Variants in C10orf105 observed in about 807,000 individuals in gnomAD.
C10orf105 encodes the protein chromosome 10 open reading frame 105.
A neutral mutation model predicts 0.6 loss-of-function variants in C10orf105; 2 were observed. The ratio of observed to expected loss-of-function variants is 3.18; its 90% confidence interval spans 1.30 to 10.01. The LOEUF (loss-of-function observed/expected upper bound fraction) is 10.01. C10orf105 is among the 30% of genes most tolerant of loss of function. C10orf105 has a pLI of 0.04. For missense variants in C10orf105, 209 were observed against 191.4 expected, an observed-to-expected ratio of 1.09 and a Z score of -0.54; for synonymous variants, 95 against 82.4, an observed-to-expected ratio of 1.15 and a Z score of -0.83.
rs368064278 is a variant in C10orf105 at position 71,734,276 on chromosome 10, A to G, written c.-6+3452T>C. 3 of 1,612,482 alleles carry G rather than the reference A, an allele frequency of 1.9e-6. No homozygotes were observed. ...AGTCCAGGGCCTGGTGGACCGTGAG[A>G]AGGGCGACTTCTATACCTTGACAGT... On this transcript the variant is annotated intron_variant, in intron 1 of 1. Coordinates refer to the C10orf105 transcript ENST00000398786.
intron 1 of C10orf105, chr10:71,732,261 T>A: frequency 6.2e-7 from 1 of 1,613,740 alleles, no homozygotes; most frequent in Non-Finnish European, 8.5e-7. Context: ...CACTGGGTAC[T>A]GAGATTGTGC....
In C10orf105 at chr10:71,713,757, TC is replaced by T. The variant is rs1866090643; in HGVS notation, c.*2178del. On this transcript the variant is annotated 3_prime_UTR_variant, in exon 2 of 2. Transcript: ENST00000441508. Reference sequence around the variant, plus strand: ...GAGAGCCCTCCCCCTCCTGGACTTTTCCTTCTTCAGGCCTCAGGGCAGCCTC... The same window carrying T: ...GAGAGCCCTCCCCCTCCTGGACTTTTCTTCTTCAGGCCTCAGGGCAGCCTC... 1 of 163,184 alleles carries T rather than the reference TC, an allele frequency of 6.1e-6. No individual in the cohort carries two copies. Among genetic ancestry groups the T allele is most frequent in the Non-Finnish European group, 1.3e-5 (1 of 74,382 alleles). 10.1% of individuals were successfully genotyped at this position (163,184 alleles called of 1,614,324 possible).
At chr10:71,725,607 G>C (rs1399050378) in intron 1 of C10orf105, 5 of 1,440,632 alleles carry the variant, frequency 3.5e-6, no homozygotes, top group African/African-American at 1.4e-5. Flanking sequence ...TTGGCGCCTG[G>C]TGTGGGCAGG....
rs1056077137 is a variant in C10orf105 at position 71,716,345 on chromosome 10, G to A, written c.-5-3C>T. On this transcript the variant is annotated splice_region_variant and splice_polypyrimidine_tract_variant and intron_variant, in intron 1 of 1. Coordinates refer to ENST00000441508, the MANE Select transcript of C10orf105 (RefSeq NM_001164375.3). ...GGGGCCCTCTGTGCTCATGGCTCCT[G>A]CAACAGCAACAAGACAGAAGCTCAA... 8.2e-6 allele frequency: 12 copies of A among 1,464,840 alleles called. No individual in the cohort carries two copies. Among genetic ancestry groups the A allele is most frequent in the Non-Finnish European group, 9.1e-6 (10 of 1,103,914 alleles). 90.7% of individuals were successfully genotyped at this position (1,464,840 alleles called of 1,614,324 possible).
At chr10:71,730,568 T>A in intron 1 of C10orf105, 1 of 1,613,882 alleles carries the variant, frequency 6.2e-7, no homozygotes, top group Non-Finnish European at 8.5e-7. Flanking sequence ...CATTGGAACG[T>A]CAGTCATCGT....
In C10orf105 at chr10:71,730,514, A is replaced by G. The variant is rs41281314; in HGVS notation, c.-6+7214T>C. 8.0e-3 allele frequency: 12,910 copies of G among 1,613,916 alleles called. 906 individuals carry two copies. In the African/African-American group the frequency reaches 0.15, roughly 18 times the overall value. ...CATCAACGATGAGGCCCCCGTGTTCACACAGCAGCAGTACAGCCGTCTGGG... is the reference window on the plus strand; with the variant it reads ...CATCAACGATGAGGCCCCCGTGTTCGCACAGCAGCAGTACAGCCGTCTGGG... On this transcript the variant is annotated intron_variant, in intron 1 of 1. Transcript: ENST00000398786.
intron 1 of C10orf105, among the ~76,000 whole-genome samples, chr10:71,733,695 C>G (rs777634201): frequency 6.6e-6 from 1 of 152,232 alleles, no homozygotes; most frequent in Non-Finnish European, 1.5e-5. Context: ...TGCTGGGCTT[C>G]ATTGCAATAG....
chr10:71,721,153 T>C (rs369542308), upstream of C10orf105, among the ~76,000 whole-genome samples: 6 of 152,310 alleles, frequency 3.9e-5, no homozygotes, highest in African/African-American at 1.4e-4. Context: ...AATCTCACCA[T>C]GGATAGGCAT....
At chr10:71,727,222 G>T (rs1866854991) in intron 1 of C10orf105, among the ~76,000 whole-genome samples, 1 of 152,182 alleles carries the variant, frequency 6.6e-6, no homozygotes, top group Non-Finnish European at 1.5e-5. Context: ...ACTTGTTCAG[G>T]GTCACACAGC....
At chr10:71,723,414 C>G (rs865933786), upstream of C10orf105, among the ~76,000 whole-genome samples, 2 of 152,274 alleles carry the variant, frequency 1.3e-5, no homozygotes, top group East Asian at 1.9e-4. Flanking sequence ...CGTCCCCCCC[C>G]ACACACAAGC....
chr10:71,731,260 G>A (rs1231897944), intron 1 of C10orf105, among the ~76,000 whole-genome samples: 1 of 152,250 alleles, frequency 6.6e-6, no homozygotes, highest in East Asian at 1.9e-4. Flanking sequence ...GTCCCCCAGA[G>A]AGGCTCCCTG....
At chr10:71,727,464 C>A (rs1049072921) in intron 1 of C10orf105, among the ~76,000 whole-genome samples, 3 of 152,238 alleles carry the variant, frequency 2.0e-5, no homozygotes, top group Admixed American at 2.0e-4. Context: ...AGCTGGGGGC[C>A]TTCCTGAAGG....
upstream of C10orf105, among the ~76,000 whole-genome samples, chr10:71,722,913 G>A (rs1207349092): frequency 1.3e-5 from 2 of 152,180 alleles, no homozygotes; most frequent in Non-Finnish European, 1.5e-5. Context: ...GAGAGGGGCT[G>A]TTGATATTCC....
rs958353934 is a variant in C10orf105, at chr10:71,716,236, G to A, written c.102C>T (p.Asp34=). Residue 34 remains aspartate, a synonymous_variant, in exon 2 of 2, where the codon GAC becomes GAT. Coordinates refer to ENST00000441508, the MANE Select transcript of C10orf105 (RefSeq NM_001164375.3). ...VTPGTLAEAT[D]PLPMLIALAC... is the part of the protein sequence containing the mutation. ...CCAGGGCGATGAGCATGGGGAGGGGGTCAGTTGCCTCTGCAAGGGTCCCGG... is the reference window on the plus strand; with the variant it reads ...CCAGGGCGATGAGCATGGGGAGGGGATCAGTTGCCTCTGCAAGGGTCCCGG... 2.6e-6 allele frequency: 4 copies of A among 1,550,368 alleles called. No individual in the cohort carries two copies. The highest frequency in any genetic ancestry group is 2.4e-5 in the South Asian group (2 of 83,904).
In C10orf105 at chr10:71,715,901, TA is replaced by T. The variant is rs1190049713; in HGVS notation, c.*34del. ...AAGCAGGAGGATCTACAGGTAGACC[TA>T]GGGGGATGTGGGGGCATGTTTGTGG... On this transcript the variant is annotated 3_prime_UTR_variant, in exon 2 of 2. Coordinates refer to ENST00000441508, the MANE Select transcript of C10orf105 (RefSeq NM_001164375.3). The T allele has an allele frequency of 1.4e-6, 2 of 1,443,084 alleles. No homozygotes were observed. Among genetic ancestry groups the T allele is most frequent in the Middle Eastern group, 1.8e-4 (1 of 5,502 alleles). The allele number at this position is 1,443,084 out of a possible 1,614,324, so 89.4% of individuals were successfully genotyped here.
intron 1 of C10orf105, among the ~76,000 whole-genome samples, chr10:71,736,004 A>G (rs923840914): frequency 6.6e-6 from 1 of 152,214 alleles, no homozygotes; most frequent in Non-Finnish European, 1.5e-5. Flanking sequence ...CAATGGGCCC[A>G]CCTGGCCCTC....
Position 71,713,734 on chromosome 10 carries a change from G to T in C10orf105, c.*2202C>A. On this transcript the variant is annotated 3_prime_UTR_variant, in exon 2 of 2. Transcript: ENST00000441508. Reference sequence around the variant, plus strand: ...GGCCTGGTGCCTGAAACCCAATTGAGAGCCCTCCCCCTCCTGGACTTTTCC... The same window carrying T: ...GGCCTGGTGCCTGAAACCCAATTGATAGCCCTCCCCCTCCTGGACTTTTCC... The T allele has an allele frequency of 6.0e-6, 1 of 167,756 alleles. No individual in the cohort carries two copies. Among genetic ancestry groups the T allele is most frequent in the East Asian group, 1.8e-4 (1 of 5,618 alleles). The allele number at this position is 167,756 out of a possible 1,614,324, so 10.4% of individuals were successfully genotyped here. A position where few individuals can be genotyped will look rare whatever the true frequency, so the allele number is the denominator to read the frequency against.
chr10:71,724,232 G>A, upstream of C10orf105: 1 of 919,812 alleles, frequency 1.1e-6, no homozygotes, highest in Admixed American at 2.3e-5. Flanking sequence ...ATGGGGCGAG[G>A]CCAGAGGGAG....
upstream of C10orf105, chr10:71,724,144 G>T: frequency 6.5e-7 from 1 of 1,548,124 alleles, no homozygotes; most frequent in African/African-American, 1.4e-5. Flanking sequence ...CGGTCCTCCT[G>T]CCCAGGGGAG....
Sources: gnomAD v4.1 joint callset for allele counts (sites outside exome capture counted in the v4.1 genomes callset) on GRCh38, gnomAD v4.1.1 for gene constraint, MANE v1.5 for transcripts, NCBI Gene and HGNC (gene_info 2026-07-23, HGNC 2026-07-21) for gene names.